NOPCHAP1: variants seen among roughly 807,000 people sequenced by gnomAD.
NOPCHAP1 encodes the protein NOP protein chaperone 1, also known as DNA damage-sensitive RNA 1.
NOPCHAP1 carries 13 observed loss-of-function variants against 14.0 expected under a neutral mutation model. The ratio of observed to expected loss-of-function variants is 0.93; its 90% CI spans 0.60 to 1.47. The LOEUF (loss-of-function observed/expected upper bound fraction) is 1.47. NOPCHAP1 is among the 40% of genes most tolerant of loss of function. The pLI, the probability that NOPCHAP1 is intolerant of heterozygous loss-of-function variation, is 0.00. For missense variants in NOPCHAP1, 230 were observed against 226.9 expected (o/e 1.01, Z -0.09); for synonymous variants, 78 against 78.4 (o/e 1.00, Z 0.03).
Position 105,003,332 on chromosome 12 carries a change from TAGTTCCAGATGGAGG to T in NOPCHAP1, c.*8642_*8656del, listed in dbSNP as rs1412088365. ...TAGTTCTTATACACGAAATTGGCTATAGTTCCAGATGGAGGAGTTCTAGACTCCATGGATCCAGAT... is the reference window on the plus strand; with the variant it reads ...TAGTTCTTATACACGAAATTGGCTATAGTTCTAGACTCCATGGATCCAGAT... On this transcript the variant is annotated 3_prime_UTR_variant, in exon 4 of 4. Coordinates refer to ENST00000552951, the MANE Select transcript of NOPCHAP1 (RefSeq NM_152318.3). 2.6e-5 allele frequency: 4 copies of T among 152,232 alleles called. No homozygotes were observed. The highest frequency in any genetic ancestry group is 5.9e-5 in the Non-Finnish European group (4 of 68,034). 9.4% of individuals were successfully genotyped at this position (152,232 alleles called of 1,614,324 possible).
chr12:104,986,837 A>G (rs1350605269), intron 1 of NOPCHAP1, among the ~76,000 whole-genome samples: 1 of 151,756 alleles, frequency 6.6e-6, no homozygotes, highest in Non-Finnish European at 1.5e-5. Context: ...CAGTTGGCTG[A>G]TAGGGGGAAG....
chr12:105,004,144 TC>T lies in NOPCHAP1; in HGVS notation c.*9451del, dbSNP rs1729951422. On this transcript the variant is annotated 3_prime_UTR_variant, in exon 4 of 4. Coordinates refer to ENST00000552951, the MANE Select transcript of NOPCHAP1 (RefSeq NM_152318.3). ...TGGGATATATAGCATTTGGATGTCT[TC>T]CCAGGGTAGAATGATCTTTATTCTC... 1 of 152,194 alleles carries T rather than the reference TC, an allele frequency of 6.6e-6. No individual in the cohort carries two copies. The highest frequency in any genetic ancestry group is 1.5e-5 in the Non-Finnish European group (1 of 68,038). 9.4% of individuals were successfully genotyped at this position (152,194 alleles called of 1,614,324 possible).
Position 104,986,338 on chromosome 12 carries a change from A to C in NOPCHAP1, c.-15A>C, listed in dbSNP as rs757249835. ...TTCCTGCATCCGGGCCTGAGAGTGC[A>C]GGCTTGAGGGAAGCATGGAGGTCCA... is the stretch of plus-strand genomic sequence containing the variant. On this transcript the variant is annotated 5_prime_UTR_variant, in exon 1 of 4. Coordinates refer to ENST00000552951, the MANE Select transcript of NOPCHAP1 (RefSeq NM_152318.3). 1.9e-6 allele frequency: 3 copies of C among 1,596,854 alleles called. No homozygotes were observed. The highest frequency in any genetic ancestry group is 2.6e-6 in the Non-Finnish European group (3 of 1,170,944).
At position 105,014,316 on chromosome 12, in the gene NOPCHAP1, TG is replaced by T. The variant is rs1178707762; in HGVS notation, c.*19622del. The T allele has an allele frequency of 1.2e-4, 18 of 152,372 alleles. No homozygotes were observed. The highest frequency in any genetic ancestry group is 3.8e-4 in the African/African-American group (16 of 41,592). 9.4% of individuals were successfully genotyped at this position (152,372 alleles called of 1,614,324 possible). A position where few individuals can be genotyped will look rare whatever the true frequency, so the allele number is the denominator to read the frequency against. On this transcript the variant is annotated 3_prime_UTR_variant, in exon 4 of 4. Transcript: ENST00000552951. ...TTATGGTAGAAATGATGAGATAGAC[TG>T]GTATCTACATATATTTAATGCATTT... is the stretch of plus-strand genomic sequence containing the variant.
Position 105,000,247 on chromosome 12 carries a change from G to A in NOPCHAP1, c.*5551G>A, listed in dbSNP as rs2136029524. The A allele has an allele frequency of 6.6e-6, 1 of 152,274 alleles. No individual in the cohort carries two copies. The highest frequency in any genetic ancestry group is 1.5e-5 in the Non-Finnish European group (1 of 68,038). 9.4% of individuals were successfully genotyped at this position (152,274 alleles called of 1,614,324 possible). A position where few individuals can be genotyped will look rare whatever the true frequency, so the allele number is the denominator to read the frequency against. The stretch of plus-strand genomic sequence containing the variant: ...GTTAGGTTATTAATTGGAAAGGTTG[G>A]GATATTCCTTTCAGTGAGTGTAGGC... On this transcript the variant is annotated 3_prime_UTR_variant, in exon 4 of 4. Transcript: ENST00000552951.
At position 105,017,498 on chromosome 12, in the gene NOPCHAP1, C is replaced by CA. The variant is rs5800643; in HGVS notation, c.*22825dup. On this transcript the variant is annotated 3_prime_UTR_variant, in exon 4 of 4. Transcript: ENST00000552951. ...TGGGTGACAGAGAGACAGACTGTCT[C>CA]AAAAAAAAAAAAAAAAAAAAAAATG... The CA allele has an allele frequency of 0.45, 41,182 of 90,662 alleles. 9,898 individuals are homozygous for CA. Among genetic ancestry groups the CA allele is most frequent in the Non-Finnish European group, 0.52 (24,469 of 47,144 alleles). The allele number at this position is 90,662 out of a possible 1,614,324, so 5.6% of individuals were successfully genotyped here.
At chr12:104,988,724 C>T (rs2136025202) in intron 2 of NOPCHAP1, among the ~76,000 whole-genome samples, 1 of 152,102 alleles carries the variant, frequency 6.6e-6, no homozygotes, top group East Asian at 1.9e-4. Context: ...TACACGAATG[C>T]CCTCTATGTA....
chr12:104,986,904 TTAGTGCTGCTGTCTTG>T (rs1465684432), intron 1 of NOPCHAP1, among the ~76,000 whole-genome samples: 1 of 152,160 alleles, frequency 6.6e-6, no homozygotes, highest in African/African-American at 2.4e-5. Flanking sequence ...AGACCACCCC[TTAGTGCTGCTGTCTTG>T]TAGAGGGAGA....
rs1873681801 is a variant in NOPCHAP1 at position 105,005,079 on chromosome 12, G to A, written c.*10383G>A. 1 of 152,166 alleles carries A rather than the reference G, an allele frequency of 6.6e-6. No homozygotes were observed. Among genetic ancestry groups the A allele is most frequent in the African/African-American group, 2.4e-5 (1 of 41,432 alleles). The allele number at this position is 152,166 out of a possible 1,614,324, so 9.4% of individuals were successfully genotyped here. A position where few individuals can be genotyped will look rare whatever the true frequency, so the allele number is the denominator to read the frequency against. On this transcript the variant is annotated 3_prime_UTR_variant, in exon 4 of 4. Transcript: ENST00000552951. ...GGAGGAAGCAGAGGGGTTGGCACAG[G>A]TGGAAGAGGTATAGAAGAAGAAGGC... is the stretch of plus-strand genomic sequence containing the variant.
chr12:105,013,191 T>C lies in NOPCHAP1; in HGVS notation c.*18495T>C, dbSNP rs1873870091. ...TCAGAGATGCCCTGCCAGAGAGGAA[T>C]CTAGAGAGGCAGTCTAGGCACAGCT... On this transcript the variant is annotated 3_prime_UTR_variant, in exon 4 of 4. Transcript: ENST00000552951. The C allele has an allele frequency of 6.6e-6, 1 of 152,320 alleles. No individual in the cohort carries two copies. The highest frequency in any genetic ancestry group is 2.4e-5 in the African/African-American group (1 of 41,440). The allele number at this position is 152,320 out of a possible 1,614,324, so 9.4% of individuals were successfully genotyped here. A position where few individuals can be genotyped will look rare whatever the true frequency, so the allele number is the denominator to read the frequency against.
intron 1 of NOPCHAP1, among the ~76,000 whole-genome samples, chr12:104,987,809 CA>C (rs1010007423): frequency 2.0e-5 from 3 of 152,182 alleles, no homozygotes; most frequent in African/African-American, 7.2e-5. Flanking sequence ...AACTAGTAAC[CA>C]TTTCTGGCTT....
intron 3 of NOPCHAP1, among the ~76,000 whole-genome samples, chr12:104,992,825 G>C (rs1358608166): frequency 6.6e-6 from 1 of 152,168 alleles, no homozygotes; most frequent in Admixed American, 6.5e-5. Context: ...CTGATGATCT[G>C]AGGTGGAACA....
At position 104,991,770 on chromosome 12, in the gene NOPCHAP1, A is replaced by G. The variant is rs1873382038; in HGVS notation, c.261A>G (p.Arg87=). Residue 87 remains arginine, a synonymous_variant, in exon 3 of 4, where the codon AGA becomes AGG. Transcript: ENST00000552951. ...PQMARANEKL[R]KEMAAAPPGR... is the part of the protein sequence containing the mutation. ...TGGCACGGGCAAATGAAAAGCTAAG[A>G]AAAGAAATGGCAGCTGCACCACCTG... The G allele has an allele frequency of 6.2e-7, 1 of 1,613,756 alleles. No individual in the cohort carries two copies. Among genetic ancestry groups the G allele is most frequent in the African/African-American group, 1.3e-5 (1 of 74,912 alleles).
In NOPCHAP1 at chr12:105,003,172, T is replaced by C. The variant is rs917220885; in HGVS notation, c.*8476T>C. On this transcript the variant is annotated 3_prime_UTR_variant, in exon 4 of 4. Coordinates refer to ENST00000552951, the MANE Select transcript of NOPCHAP1 (RefSeq NM_152318.3). ...TGCTTATGAAGCATTTTGGATTCTT[T>C]CTTTTGTAGTGTGCCTTGCAAGTGA... 6.6e-6 allele frequency: 1 copy of C among 152,250 alleles called. No individual in the cohort carries two copies. The highest frequency in any genetic ancestry group is 2.4e-5 in the African/African-American group (1 of 41,474). 9.4% of individuals were successfully genotyped at this position (152,250 alleles called of 1,614,324 possible). A position where few individuals can be genotyped will look rare whatever the true frequency, so the allele number is the denominator to read the frequency against.
rs535319029 is a variant in NOPCHAP1, at chr12:104,992,670, G to A, written c.339+822G>A. Among the ~76,000 whole-genome samples the A allele has an allele frequency of 2.2e-4, 33 of 152,290 alleles. No individual in the cohort carries two copies. The South Asian group carries it at 3.1e-3, about 14-fold the overall frequency. On this transcript the variant is annotated intron_variant, in intron 3 of 3. Coordinates refer to ENST00000552951, the MANE Select transcript of NOPCHAP1 (RefSeq NM_152318.3). ...GCAGGTCGCACAGCAGGAGGTGAGC[G>A]GTGGGTGAGAGCGCATTACCACCTG... is the stretch of plus-strand genomic sequence containing the variant.
chr12:104,992,271 G>A (rs1015002660), intron 3 of NOPCHAP1, among the ~76,000 whole-genome samples: 1 of 152,152 alleles, frequency 6.6e-6, no homozygotes, highest in Non-Finnish European at 1.5e-5. Flanking sequence ...TATAATATCT[G>A]TGTCTGGACC....
At position 105,013,023 on chromosome 12, in the gene NOPCHAP1, A is replaced by T. The variant is rs1873865263; in HGVS notation, c.*18327A>T. 7.7e-6 allele frequency: 1 copy of T among 129,082 alleles called. No homozygotes were observed. The highest frequency in any genetic ancestry group is 1.6e-5 in the Non-Finnish European group (1 of 64,036). The allele number at this position is 129,082 out of a possible 1,614,324, so 8.0% of individuals were successfully genotyped here. On this transcript the variant is annotated 3_prime_UTR_variant, in exon 4 of 4. Coordinates refer to ENST00000552951, the MANE Select transcript of NOPCHAP1 (RefSeq NM_152318.3). ...CAGAGCTTGAGCACTGTGCTGGGAG[A>T]TCTGCTCTCTTCAGAGCTGGCAGGC...
At position 105,004,165 on chromosome 12, in the gene NOPCHAP1, A is replaced by T. The variant is rs763077428; in HGVS notation, c.*9469A>T. The T allele has an allele frequency of 1.3e-5, 2 of 152,216 alleles. No homozygotes were observed. The highest frequency in any genetic ancestry group is 2.9e-5 in the Non-Finnish European group (2 of 68,034). The allele number at this position is 152,216 out of a possible 1,614,324, so 9.4% of individuals were successfully genotyped here. On this transcript the variant is annotated 3_prime_UTR_variant, in exon 4 of 4. Transcript: ENST00000552951. Reference sequence around the variant, plus strand: ...GTCTTCCCAGGGTAGAATGATCTTTATTCTCTTCTATGGTAGAGTTTAGAA... The same window carrying T: ...GTCTTCCCAGGGTAGAATGATCTTTTTTCTCTTCTATGGTAGAGTTTAGAA...
chr12:104,987,878 G>A (rs1386288551), intron 1 of NOPCHAP1, among the ~76,000 whole-genome samples: 2 of 152,140 alleles, frequency 1.3e-5, no homozygotes, highest in Admixed American at 6.5e-5. Flanking sequence ...GCAGACCCAC[G>A]TTTGTCTGCT....
Sources: gnomAD v4.1 joint callset for allele counts (sites outside exome capture counted in the v4.1 genomes callset) on GRCh38, gnomAD v4.1.1 for gene constraint, MANE v1.5 for transcripts, NCBI Gene and HGNC (gene_info 2026-07-23, HGNC 2026-07-21) for gene names.